The following KIF6 variants were observed in gnomAD, a reference collection of about 807,000 sequenced individuals.
KIF6 encodes kinesin-like protein KIF6.
Under a neutral mutation model 112.7 loss-of-function variants are expected in KIF6, and 106 were observed. That is an observed-to-expected ratio of 0.94 (90% CI 0.80 to 1.11). The LOEUF (loss-of-function observed/expected upper bound fraction) is 1.11, where lower values mean the gene tolerates loss of function less well. KIF6 is among the 50% of genes least tolerant of loss of function. The pLI is 0.00. For missense variants in KIF6, 929 were observed against 964.0 expected, an observed-to-expected ratio of 0.96 and a Z score of 0.48; for synonymous variants, 339 against 339.9, an observed-to-expected ratio of 1.00 and a Z score of 0.03.
At chr6:39,545,131 G>A (rs953803122) in intron 11 of KIF6, among the ~76,000 whole-genome samples, 10 of 152,072 alleles carry the variant, frequency 6.6e-5, no homozygotes, top group Admixed American at 6.6e-4. Context: ...CACAACAAAT[G>A]TTTATTATCT....
intron 3 of KIF6, among the ~76,000 whole-genome samples, chr6:39,683,708 A>G (rs190493919): frequency 9.5e-4 from 144 of 152,256 alleles, no homozygotes; most frequent in African/African-American, 3.2e-3. Flanking sequence ...GGAGAGGAGG[A>G]ATAGGCAAAG....
At chr6:39,430,945 C>T in intron 14 of KIF6, 108 bp downstream of exon 14, 1 of 606,150 alleles carries the variant, frequency 1.6e-6, no homozygotes, top group Admixed American at 3.0e-5. Flanking sequence ...TTATGCTTTT[C>T]TTGTAATAGT....
At chr6:39,487,133 A>AAT (rs1390456200) in intron 13 of KIF6, among the ~76,000 whole-genome samples, 2 of 152,238 alleles carry the variant, frequency 1.3e-5, no homozygotes, top group Non-Finnish European at 2.9e-5. Flanking sequence ...AATAGTAATA[A>AAT]ATAAAAATAG....
intron 22 of KIF6, among the ~76,000 whole-genome samples, chr6:39,340,985 T>G (rs1207505622): frequency 6.6e-6 from 1 of 152,090 alleles, no homozygotes; most frequent in Non-Finnish European, 1.5e-5. Context: ...CCCCTCTACT[T>G]TCTCAAGGAA....
In KIF6 at chr6:39,363,720, CATTT is replaced by C. The variant is rs1581680940; in HGVS notation, c.1862-1206_1862-1203del. 2.6e-5 allele frequency among the ~76,000 whole-genome samples: 4 copies of C among 152,164 alleles called. No individual in the cohort carries two copies. In the East Asian group the frequency reaches 7.7e-4, roughly 29 times the overall value. On this transcript the variant is annotated intron_variant, in intron 16 of 22. Coordinates refer to ENST00000287152, the MANE Select transcript of KIF6 (RefSeq NM_145027.6). ...ACATGCTCAGACTGAATCCTTATAGCATTTATTTGTGGTAAGTGTTATTATGCCC... is the reference window on the plus strand; with the variant it reads ...ACATGCTCAGACTGAATCCTTATAGCATTTGTGGTAAGTGTTATTATGCCC...
At chr6:39,529,804 C>T (rs918868682) in intron 13 of KIF6, among the ~76,000 whole-genome samples, 4 of 152,124 alleles carry the variant, frequency 2.6e-5, no homozygotes, top group African/African-American at 9.7e-5. Context: ...AAAGGGTGAC[C>T]TGATAGACAT....
chr6:39,401,144 C>G (rs1011073378), intron 15 of KIF6, among the ~76,000 whole-genome samples: 3 of 152,232 alleles, frequency 2.0e-5, no homozygotes, highest in Non-Finnish European at 4.4e-5. Context: ...GCCCCTAATT[C>G]CTAATAGTGT....
In KIF6 at chr6:39,704,456, T is replaced by TA. The variant is rs539777566; in HGVS notation, c.251+10235dup. 3.4e-4 allele frequency among the ~76,000 whole-genome samples: 52 copies of TA among 152,192 alleles called. No homozygotes were observed. The South Asian group carries it at 0.011, about 31-fold the overall frequency. On this transcript the variant is annotated intron_variant, in intron 3 of 22. Coordinates refer to ENST00000287152, the MANE Select transcript of KIF6 (RefSeq NM_145027.6). ...CAACATGGTAAAACCCTGTCTCTAC[T>TA]AAAAATACAAAATTAGCAGGGTGGG... is the stretch of plus-strand genomic sequence containing the variant.
Position 39,358,403 on chromosome 6 carries a change from C to G in KIF6, c.2083-1029G>C, listed in dbSNP as rs1036705857. ...TTGGCCCCTCTGTACCAGTGTATCC[C>G]ACCATCCCCCTTGCTGTCATCTGGT... On this transcript the variant is annotated intron_variant, in intron 18 of 22. Coordinates refer to ENST00000287152, the MANE Select transcript of KIF6 (RefSeq NM_145027.6). Among the ~76,000 whole-genome samples the G allele has an allele frequency of 1.3e-4, 20 of 152,358 alleles. No individual in the cohort carries two copies. The Middle Eastern group carries it at 0.014, about 104-fold the overall frequency.
chr6:39,577,883 C>T lies in KIF6; in HGVS notation c.1181+173G>A, dbSNP rs576394331. On this transcript the variant is annotated intron_variant, in intron 10 of 22. Coordinates refer to ENST00000287152, the MANE Select transcript of KIF6 (RefSeq NM_145027.6). Reference sequence around the variant, plus strand: ...CTGAGGCGGCAAAAACACTGCCAGCCTTATCCAGCTTTTCATGGAAAGCCG... The same window carrying T: ...CTGAGGCGGCAAAAACACTGCCAGCTTTATCCAGCTTTTCATGGAAAGCCG... Among the ~76,000 whole-genome samples, 23 of 152,304 alleles carry T rather than the reference C, an allele frequency of 1.5e-4. No individual in the cohort carries two copies. In the East Asian group the frequency reaches 4.4e-3, roughly 29 times the overall value.
At chr6:39,372,140 A>G (rs1226959775) in intron 16 of KIF6, among the ~76,000 whole-genome samples, 3 of 152,218 alleles carry the variant, frequency 2.0e-5, no homozygotes, top group South Asian at 2.1e-4. Flanking sequence ...TGCAATTACT[A>G]TATAAAATGA....
At chr6:39,596,581 T>G (rs529612227) in intron 6 of KIF6, among the ~76,000 whole-genome samples, 1 of 152,310 alleles carries the variant, frequency 6.6e-6, no homozygotes, top group African/African-American at 2.4e-5. Context: ...GCTTAATGCT[T>G]GAAAATGCTT....
At chr6:39,373,842 C>T (rs1318182375) in intron 16 of KIF6, among the ~76,000 whole-genome samples, 2 of 152,106 alleles carry the variant, frequency 1.3e-5, no homozygotes, top group Non-Finnish European at 2.9e-5. Flanking sequence ...CTTATGAAAA[C>T]TCCAATGTTA....
intron 13 of KIF6, among the ~76,000 whole-genome samples, chr6:39,470,157 A>G (rs1445337807): frequency 6.6e-6 from 1 of 152,166 alleles, no homozygotes; most frequent in Non-Finnish European, 1.5e-5. Flanking sequence ...TATAGAGCAG[A>G]GAATAGGGGA....
intron 3 of KIF6, among the ~76,000 whole-genome samples, chr6:39,670,133 G>A (rs562355215): frequency 5.9e-5 from 9 of 152,204 alleles, no homozygotes; most frequent in South Asian, 2.1e-4. Flanking sequence ...CTCTGGGCGC[G>A]GGAGAAGGAA....
chr6:39,610,381 A>G (rs1182603871), intron 6 of KIF6, among the ~76,000 whole-genome samples: 1 of 152,222 alleles, frequency 6.6e-6, no homozygotes, highest in Non-Finnish European at 1.5e-5. Context: ...GGTAAAGAAC[A>G]TGAAAGGAAA....
chr6:39,514,143 A>G (rs1477324721), intron 13 of KIF6, among the ~76,000 whole-genome samples: 1 of 152,172 alleles, frequency 6.6e-6, no homozygotes, highest in Non-Finnish European at 1.5e-5. Flanking sequence ...TTTTGAATTC[A>G]TAATTGTATA....
At chr6:39,570,560 G>T (rs562119629) in intron 10 of KIF6, among the ~76,000 whole-genome samples, 7 of 152,124 alleles carry the variant, frequency 4.6e-5, no homozygotes, top group Non-Finnish European at 1.0e-4. Flanking sequence ...GATAGAGTTT[G>T]GCTGTGTCCC....
chr6:39,540,313 G>T, intron 12 of KIF6, 92 bp from the exon 13 acceptor site: 1 of 832,900 alleles, frequency 1.2e-6, no homozygotes, highest in Non-Finnish European at 1.9e-6. Flanking sequence ...CCTAACATTT[G>T]CTATTTATCA....
Sources: gnomAD v4.1 joint callset for allele counts (sites outside exome capture counted in the v4.1 genomes callset) on GRCh38, gnomAD v4.1.1 for gene constraint, MANE v1.5 for transcripts, NCBI Gene and HGNC (gene_info 2026-07-23, HGNC 2026-07-21) for gene names.